The following FRMPD4 variants were observed in gnomAD, a reference collection of about 807,000 sequenced individuals.
FRMPD4 encodes the protein FERM and PDZ domain containing 4, also known as FERM and PDZ domain-containing protein 4.
In FRMPD4, 22 loss-of-function variants were observed where a neutral mutation model predicts 94.1. The observed-to-expected ratio is 0.23, with a 90% CI of 0.17 to 0.33. FRMPD4 has a LOEUF of 0.33. Among genes scored for constraint, FRMPD4 ranks in the 10% least tolerant of loss-of-function variants. The pLI, the probability that FRMPD4 is intolerant of heterozygous loss-of-function variation, is 1.00. For synonymous variants in FRMPD4, 631 were observed against 548.6 expected, an observed-to-expected ratio of 1.15 and a Z score of -2.10; for missense variants, 1,111 against 1,339.9, an observed-to-expected ratio of 0.83 and a Z score of 2.67.
chrX:11,874,510 T>G (rs927397770), intron 2 of FRMPD4, among the ~76,000 whole-genome samples: 1 of 112,262 alleles, frequency 8.9e-6, no homozygotes, highest in Non-Finnish European at 1.9e-5. Context: ...CTAGCGATGA[T>G]TTAACATATA....
rs747574742 is a variant in FRMPD4, at chrX:12,707,592, G to A, written c.1411G>A (p.Glu471Lys). Residue 471 changes from glutamate to lysine, a missense_variant, in exon 13 of 17, where the codon GAA (glutamate) becomes AAA (lysine). Glu to Lys is a moderately conservative substitution (Grantham distance 56, BLOSUM62 1). Around this residue, in one of 8 missense-constraint regions of FRMPD4, gnomAD observed 111 missense variants for 160.7 expected, o/e 0.69. Coordinates refer to ENST00000675598, the MANE Select transcript of FRMPD4 (RefSeq NM_001368397.1). ...LADFSHVNRI[E>K]MFSEEESLVR... is the part of the protein sequence containing the mutation. ...CGACTTTAGCCACGTCAACAGGATC[G>A]AAATGTTTTCCGAGGAGGAGAGCTT... 9.4e-5 allele frequency: 114 copies of A among 1,209,639 alleles called. No homozygotes were observed. The highest frequency in any genetic ancestry group is 3.8e-5 in the Non-Finnish European group (34 of 894,695).
chrX:12,266,373 G>A (rs930742757), intron 1 of FRMPD4, among the ~76,000 whole-genome samples: 16 of 111,000 alleles, frequency 1.4e-4, no homozygotes, highest in Admixed American at 5.8e-4. Context: ...TGAATTCCCC[G>A]TAAGCTGGCT....
At chrX:12,193,771 A>AAAGGAAGGAAGG (rs756939563) in intron 1 of FRMPD4, among the ~76,000 whole-genome samples, 7 of 17,292 alleles carry the variant, frequency 4.0e-4, no homozygotes, top group African/African-American at 7.3e-4. Context: ...AGAAAGAAAG[A>AAAGGAAGGAAGG]AAGGAAGGAA....
intron 1 of FRMPD4, among the ~76,000 whole-genome samples, chrX:12,491,283 C>T (rs1048692806): frequency 1.6e-4 from 18 of 112,082 alleles, no homozygotes; most frequent in African/African-American, 2.9e-4. Flanking sequence ...AATTTAAATA[C>T]GCAAGAATTT....
chrX:12,716,693 C>T lies in FRMPD4; in HGVS notation c.2234C>T (p.Thr745Ile), dbSNP rs762689771. ...CATGACATCTGTTATGCAGAAAACA[C>T]TGATGACGCGGAGGACGAGGACGAG... ...LLHDICYAEN[T>I]DDAEDEDEVS... Residue 745 changes from threonine to isoleucine, a missense_variant, in exon 15 of 17, where the codon ACT becomes ATT. Thr to Ile is a moderately conservative substitution (Grantham distance 89, BLOSUM62 -1). This residue lies in a region of FRMPD4 where 192 missense variants were observed against 192.5 expected (regional missense o/e 1.00). Transcript: ENST00000675598. 5.0e-6 allele frequency: 6 copies of T among 1,209,795 alleles called. No individual in the cohort carries two copies. The South Asian group carries it at 8.8e-5, about 18-fold the overall frequency.
At chrX:12,122,231 T>C (rs1475133862) in intron 3 of FRMPD4, among the ~76,000 whole-genome samples, 2 of 111,243 alleles carry the variant, frequency 1.8e-5, no homozygotes, top group Non-Finnish European at 3.8e-5. Context: ...CCCTTAGCAA[T>C]GTACTAGGAA....
intron 1 of FRMPD4, among the ~76,000 whole-genome samples, chrX:12,198,666 G>GT (rs2056594310): frequency 8.9e-6 from 1 of 111,814 alleles, no homozygotes; most frequent in Non-Finnish European, 1.9e-5. Flanking sequence ...AGTTTGATTG[G>GT]TTTTGCATTT....
At chrX:11,885,354 A>G (rs896973587) in intron 3 of FRMPD4, among the ~76,000 whole-genome samples, 3 of 110,923 alleles carry the variant, frequency 2.7e-5, no homozygotes, top group South Asian at 3.9e-4. Context: ...TCTGTTGCAT[A>G]GAGACAGAGA....
At chrX:12,607,615 C>T (rs188092320) in intron 2 of FRMPD4, among the ~76,000 whole-genome samples, 104 of 112,191 alleles carry the variant, frequency 9.3e-4, no homozygotes, top group Middle Eastern at 4.6e-3. Flanking sequence ...CTGAGAAAAG[C>T]GTGACCTTGG....
chrX:12,243,150 G>A lies in FRMPD4; in HGVS notation c.41+104138G>A, dbSNP rs1390196050. On this transcript the variant is annotated intron_variant, in intron 1 of 16. Transcript: ENST00000675598. The stretch of plus-strand genomic sequence containing the variant: ...TCCAGCCTTGGTCTCTCAGAGTGTT[G>A]GGATTACAGGTGTGAGCCACTGGAC... Among the ~76,000 whole-genome samples the A allele has an allele frequency of 4.5e-5, 5 of 112,227 alleles. No individual in the cohort carries two copies. The Admixed American group carries it at 4.7e-4, about 11-fold the overall frequency.
intron 1 of FRMPD4, among the ~76,000 whole-genome samples, chrX:12,311,326 C>G (rs2055027807): frequency 8.9e-6 from 1 of 112,149 alleles, no homozygotes. Flanking sequence ...TATTTTTATC[C>G]TTCTCCCATG....
chrX:12,718,584 G>C lies in FRMPD4; in HGVS notation c.3758G>C (p.Gly1253Ala), dbSNP rs756474895. ...LGKHLIPDAS[G>A]KGVNYIPSEE... ...AAGCACTTGATTCCTGACGCTTCTG[G>C]GAAAGGCGTGAATTACATTCCTTCA... The change falls in exon 16 of 17, where the codon GGG becomes GCG. Residue 1253 changes from glycine to alanine, a missense_variant. This residue lies in a region of FRMPD4 where 551 missense variants were observed against 591.6 expected (regional missense o/e 0.93). Transcript: ENST00000675598. The C allele has an allele frequency of 5.8e-6, 7 of 1,210,341 alleles. No homozygotes were observed. The highest frequency in any genetic ancestry group is 6.7e-6 in the Non-Finnish European group (6 of 894,204).
At chrX:11,930,473 A>AAGATGGAGGCAG (rs201055939) in intron 3 of FRMPD4, among the ~76,000 whole-genome samples, 39,359 of 109,412 alleles carry the variant, frequency 0.36, 5,675 homozygotes, top group East Asian at 0.81. Flanking sequence ...TGGTCATGTG[A>AAGATGGAGGCAG]AGACTGTAGA....
chrX:12,380,740 A>ATGAT (rs1303306784), intron 1 of FRMPD4, among the ~76,000 whole-genome samples: 1 of 112,053 alleles, frequency 8.9e-6, no homozygotes, highest in Admixed American at 9.5e-5. Context: ...ATTTCCTAAC[A>ATGAT]TGATTGATCA....
At chrX:12,699,319 C>T in intron 9 of FRMPD4, among the ~76,000 whole-genome samples, 1 of 112,429 alleles carries the variant, frequency 8.9e-6, no homozygotes, top group East Asian at 2.8e-4. Flanking sequence ...TGTCTCTGGA[C>T]AGACCCACTT....
chrX:12,127,741 C>A (rs768963959), intron 3 of FRMPD4, among the ~76,000 whole-genome samples: 1 of 112,159 alleles, frequency 8.9e-6, no homozygotes, highest in African/African-American at 3.2e-5. Context: ...TCCCTTCCAC[C>A]TATAAGCCTG....
intron 4 of FRMPD4, among the ~76,000 whole-genome samples, chrX:12,653,079 C>T (rs567298767): frequency 3.6e-5 from 4 of 111,825 alleles, no homozygotes; most frequent in African/African-American, 1.3e-4. Context: ...TTTTCAGCCA[C>T]GCAGCTTTAT....
At chrX:12,307,757 T>C (rs1308753899) in intron 1 of FRMPD4, among the ~76,000 whole-genome samples, 1 of 111,923 alleles carries the variant, frequency 8.9e-6, no homozygotes, top group East Asian at 2.8e-4. Context: ...AGAAAGCTAT[T>C]GCAATCATCT....
At chrX:11,896,571 T>C (rs1266812433) in intron 3 of FRMPD4, among the ~76,000 whole-genome samples, 2 of 112,305 alleles carry the variant, frequency 1.8e-5, no homozygotes, top group Non-Finnish European at 3.8e-5. Context: ...AATCTGCTGG[T>C]GTCTTGACCT....
Sources: allele counts gnomAD v4.1 joint callset (sites outside exome capture counted in the v4.1 genomes callset), GRCh38; gene constraint gnomAD v4.1.1; regional missense constraint gnomAD v4.1.1; transcripts MANE v1.5; gene names NCBI Gene and HGNC (gene_info 2026-07-23, HGNC 2026-07-21).